The following EGR2 variants were observed in gnomAD, a reference collection of about 807,000 sequenced individuals.
EGR2 encodes the protein early growth response 2.
Under a neutral mutation model 21.2 loss-of-function variants are expected in EGR2, and 2 were observed. The observed-to-expected ratio is 0.09, with a 90% CI of 0.04 to 0.30. EGR2 has a LOEUF of 0.30. EGR2 is among the 10% of genes least tolerant of loss of function. The pLI, the probability that EGR2 is intolerant of heterozygous loss-of-function variation, is 1.00. For missense variants in EGR2, 458 were observed against 630.2 expected (o/e 0.73, Z 2.93); for synonymous variants, 282 against 258.2 (o/e 1.09, Z -0.88).
chr10:62,817,457 G>A (rs557768775), upstream of EGR2, among the ~76,000 whole-genome samples: 32 of 152,218 alleles, frequency 2.1e-4, no homozygotes, highest in Admixed American at 6.5e-4. This position sits in a 1 kb window ranked among gnomAD's most constrained non-coding sequence, Gnocchi z 4.4. Context: ...AGCGGGCTCC[G>A]GGCTCGCTGG....
Position 62,816,209 on chromosome 10 carries a change from T to G in EGR2, c.-180A>C. On this transcript the variant is annotated 5_prime_UTR_variant, in exon 1 of 2. Transcript: ENST00000242480. ...ACAGAAATAAAAGTAGCAAACAAGT[T>G]GCTGTTTTTTAAGAAATAAGAAAAA... is the stretch of plus-strand genomic sequence containing the variant. 1 of 1,489,558 alleles carries G rather than the reference T, an allele frequency of 6.7e-7. No homozygotes were observed. Among genetic ancestry groups the G allele is most frequent in the Non-Finnish European group, 8.9e-7 (1 of 1,123,178 alleles). The allele number at this position is 1,489,558 out of a possible 1,614,324, so 92.3% of individuals were successfully genotyped here.
In EGR2 at chr10:62,813,124, G is replaced by C. The variant is rs1842150838; in HGVS notation, c.*83C>G. 2 of 1,408,976 alleles carry C rather than the reference G, an allele frequency of 1.4e-6. No homozygotes were observed. Among genetic ancestry groups the C allele is most frequent in the South Asian group, 1.4e-5 (1 of 72,320 alleles). 87.3% of individuals were successfully genotyped at this position (1,408,976 alleles called of 1,614,324 possible). A position where few individuals can be genotyped will look rare whatever the true frequency, so the allele number is the denominator to read the frequency against. ...ACAAAGGGAGAGAGGGACAGGAAAG[G>C]GTGGTAGTGTTTGTTGTGCAGCTCC... On this transcript the variant is annotated 3_prime_UTR_variant, in exon 2 of 2. Transcript: ENST00000242480. This position sits in a 1 kb window ranked among gnomAD's most constrained non-coding sequence, Gnocchi z 5.7.
At chr10:62,818,981 A>C (rs1336551316), upstream of EGR2, 2 of 152,272 alleles carry the variant, frequency 1.3e-5, no homozygotes, top group East Asian at 3.8e-4. Flanking sequence ...TGCCTGAGCG[A>C]GGGAAAACCG....
At chr10:62,818,556 A>G, upstream of EGR2, 1 of 1,268,064 alleles carries the variant, frequency 7.9e-7, no homozygotes, top group Non-Finnish European at 1.0e-6. Context: ...GCGCCAGCCC[A>G]CTCCGCCTGC....
rs1228953734 is a variant in EGR2 at position 62,813,157 on chromosome 10, A to C, written c.*50T>G. The C allele has an allele frequency of 1.3e-5, 20 of 1,513,526 alleles. No homozygotes were observed. The highest frequency in any genetic ancestry group is 1.8e-5 in the Non-Finnish European group (20 of 1,138,320). 93.8% of individuals were successfully genotyped at this position (1,513,526 alleles called of 1,614,324 possible). A position where few individuals can be genotyped will look rare whatever the true frequency, so the allele number is the denominator to read the frequency against. On this transcript the variant is annotated 3_prime_UTR_variant, in exon 2 of 2. Transcript: ENST00000242480. The surrounding 1 kb of genome is among the most constrained non-coding windows in gnomAD (Gnocchi z 5.7). ...TGTTTGTTGTGCAGCTCCAGTGGAC[A>C]AAGGGCCTCCGGGACCTTTGGGAGC...
In EGR2 at chr10:62,812,830, T is replaced by A. The variant is rs1287420249; in HGVS notation, c.*377A>T. On this transcript the variant is annotated 3_prime_UTR_variant, in exon 2 of 2. Transcript: ENST00000242480. ...AACCTATTGTAGAAAACGTCTTAGA[T>A]CAACTCTGACATCCAGGGTCAAAAA... 1 of 184,982 alleles carries A rather than the reference T, an allele frequency of 5.4e-6. No individual in the cohort carries two copies. The highest frequency in any genetic ancestry group is 1.1e-5 in the Non-Finnish European group (1 of 89,116). The allele number at this position is 184,982 out of a possible 1,614,324, so 11.5% of individuals were successfully genotyped here.
Position 62,813,293 on chromosome 10 carries a change from G to A in EGR2, c.1345C>T (p.Pro449Ser), listed in dbSNP as rs774569804. 1.9e-6 allele frequency: 3 copies of A among 1,573,776 alleles called. No individual in the cohort carries two copies. The highest frequency in any genetic ancestry group is 2.2e-5 in the East Asian group (1 of 44,568). Residue 449 changes from proline (P) to serine (S), a missense_variant, in exon 2 of 2, where the codon CCT becomes TCT. Around this residue, in one of 5 missense-constraint regions of EGR2, gnomAD observed 69 missense variants for 70.4 expected, o/e 0.98. Transcript: ENST00000242480. This position sits in a 1 kb window ranked among gnomAD's most constrained non-coding sequence, Gnocchi z 5.7. ...TTACTGCTGCACAGGGTACCCCCAG[G>A]CTGCACGCCCCCAGAGCAGGAGGCT... Reference protein sequence around the residue: ...STASCSGGVQPGGTLCSSNSS... With the variant: ...STASCSGGVQSGGTLCSSNSS...
upstream of EGR2, chr10:62,818,519 G>T (rs1343263785): frequency 1.7e-6 from 2 of 1,191,284 alleles, no homozygotes; most frequent in African/African-American, 3.3e-5. Context: ...AGAAAAGCAA[G>T]AAAAGATAGC....
chr10:62,813,101 A>G lies in EGR2; in HGVS notation c.*106T>C. The G allele has an allele frequency of 7.6e-7, 1 of 1,312,404 alleles. No homozygotes were observed. The highest frequency in any genetic ancestry group is 1.5e-5 in the South Asian group (1 of 67,860). 81.3% of individuals were successfully genotyped at this position (1,312,404 alleles called of 1,614,324 possible). A position where few individuals can be genotyped will look rare whatever the true frequency, so the allele number is the denominator to read the frequency against. On this transcript the variant is annotated 3_prime_UTR_variant, in exon 2 of 2. Coordinates refer to ENST00000242480, the MANE Select transcript of EGR2 (RefSeq NM_000399.5). The surrounding 1 kb of genome is among the most constrained non-coding windows in gnomAD (Gnocchi z 5.7). The stretch of plus-strand genomic sequence containing the variant: ...GCTCCACCAAAGCCCTTTGCCCAAC[A>G]AAGGGAGAGAGGGACAGGAAAGGGT...
chr10:62,815,956 ATGT>A lies in EGR2; in HGVS notation c.71_73del (p.Asn24del). The A allele has an allele frequency of 1.2e-6, 2 of 1,614,214 alleles. No individual in the cohort carries two copies. The highest frequency in any genetic ancestry group is 8.5e-7 in the Non-Finnish European group (1 of 1,180,034). ...GGCGGCGAGGTCCTCCACCGGGTAG[ATGT>A]TGTCAGACAGCTGGTGCACAAAACC... On this transcript the variant is annotated inframe_deletion, in exon 1 of 2. Transcript: ENST00000242480.
At chr10:62,818,512 A>C, upstream of EGR2, 1 of 1,172,896 alleles carries the variant, frequency 8.5e-7, no homozygotes, top group Non-Finnish European at 1.1e-6. Flanking sequence ...AAAGAAAAGA[A>C]AAGCAAGAAA....
chr10:62,818,124 C>A (rs1033110966), upstream of EGR2, among the ~76,000 whole-genome samples: 1 of 152,202 alleles, frequency 6.6e-6, no homozygotes, highest in Non-Finnish European at 1.5e-5. Context: ...CGGCGCCACG[C>A]CGTGGAGGAA....
chr10:62,814,547 G>A lies in EGR2; in HGVS notation c.170-79C>T. ...TCCCTTCTCACCCCCGCTCACATAG[G>A]TCCATTTCCAAGGCCGAGAGTCTCA... On this transcript the variant is annotated intron_variant, in intron 1 of 1. Transcript: ENST00000242480. This position sits in a 1 kb window ranked among gnomAD's most constrained non-coding sequence, Gnocchi z 4.8. The A allele has an allele frequency of 7.2e-7, 1 of 1,389,154 alleles. No homozygotes were observed. Among genetic ancestry groups the A allele is most frequent in the Admixed American group, 1.7e-5 (1 of 58,858 alleles). 86.1% of individuals were successfully genotyped at this position (1,389,154 alleles called of 1,614,324 possible).
In EGR2 at chr10:62,812,358, C is replaced by T. The variant is rs1268080166; in HGVS notation, c.*849G>A. On this transcript the variant is annotated 3_prime_UTR_variant, in exon 2 of 2. Transcript: ENST00000242480. Reference sequence around the variant, plus strand: ...TACATCACACAAGGCACCAAGGACACTTCCAACACAATTGCATGCATCCTA... The same window carrying T: ...TACATCACACAAGGCACCAAGGACATTTCCAACACAATTGCATGCATCCTA... 1 of 152,750 alleles carries T rather than the reference C, an allele frequency of 6.5e-6. No homozygotes were observed. The highest frequency in any genetic ancestry group is 1.5e-5 in the Non-Finnish European group (1 of 68,036). 9.5% of individuals were successfully genotyped at this position (152,750 alleles called of 1,614,324 possible). A position where few individuals can be genotyped will look rare whatever the true frequency, so the allele number is the denominator to read the frequency against.
In EGR2 at chr10:62,812,536, C is replaced by T. The variant is rs1034453835; in HGVS notation, c.*671G>A. ...GGATATACACTGAAAAAATAGCCTA[C>T]ATTTCTCAAACAACTCGAAAAGGAG... On this transcript the variant is annotated 3_prime_UTR_variant, in exon 2 of 2. Transcript: ENST00000242480. 1.3e-5 allele frequency: 2 copies of T among 152,776 alleles called. No homozygotes were observed. Among genetic ancestry groups the T allele is most frequent in the African/African-American group, 4.8e-5 (2 of 41,450 alleles). The allele number at this position is 152,776 out of a possible 1,614,324, so 9.5% of individuals were successfully genotyped here. A position where few individuals can be genotyped will look rare whatever the true frequency, so the allele number is the denominator to read the frequency against.
In EGR2 at chr10:62,812,919, C is replaced by T. The variant is rs117395928; in HGVS notation, c.*288G>A. On this transcript the variant is annotated 3_prime_UTR_variant, in exon 2 of 2. Coordinates refer to ENST00000242480, the MANE Select transcript of EGR2 (RefSeq NM_000399.5). Reference sequence around the variant, plus strand: ...AACCTAGTCAAACAACCCTTTAAAGCAGGGTCAGACCTCAGCCCTCTTGGC... The same window carrying T: ...AACCTAGTCAAACAACCCTTTAAAGTAGGGTCAGACCTCAGCCCTCTTGGC... The T allele has an allele frequency of 8.4e-3, 2,806 of 335,248 alleles. 18 individuals carry two copies. Among genetic ancestry groups the T allele is most frequent in the Non-Finnish European group, 0.012 (2,201 of 184,110 alleles). 20.8% of individuals were successfully genotyped at this position (335,248 alleles called of 1,614,324 possible).
rs1589081314 is a variant in EGR2, at chr10:62,814,041, A to T, written c.597T>A (p.Ser199=). Residue 199 remains serine (S), a synonymous_variant, in exon 2 of 2, where the codon TCT becomes TCA. Transcript: ENST00000242480. This position sits in a 1 kb window ranked among gnomAD's most constrained non-coding sequence, Gnocchi z 4.8. ...LSAATTSTSS[S]LAYPPPPSYP... ...AGGAAGGAGGTGGTGGGTAGGCCAG[A>T]GAGGAAGAGGTGGAGGTGGTGGCTG... The T allele has an allele frequency of 6.2e-7, 1 of 1,614,072 alleles. No individual in the cohort carries two copies. The highest frequency in any genetic ancestry group is 8.5e-7 in the Non-Finnish European group (1 of 1,179,996).
chr10:62,813,019 T>A lies in EGR2; in HGVS notation c.*188A>T. ...GATAGTCAACTCACCTAAGAGAGACTAGAATGGGCTAAGTTTTAGGAAGAA... is the reference window on the plus strand; with the variant it reads ...GATAGTCAACTCACCTAAGAGAGACAAGAATGGGCTAAGTTTTAGGAAGAA... On this transcript the variant is annotated 3_prime_UTR_variant, in exon 2 of 2. Coordinates refer to ENST00000242480, the MANE Select transcript of EGR2 (RefSeq NM_000399.5). This position sits in a 1 kb window ranked among gnomAD's most constrained non-coding sequence, Gnocchi z 5.7. 1 of 613,230 alleles carries A rather than the reference T, an allele frequency of 1.6e-6. No individual in the cohort carries two copies. Among genetic ancestry groups the A allele is most frequent in the African/African-American group, 1.8e-5 (1 of 54,602 alleles). The allele number at this position is 613,230 out of a possible 1,614,324, so 38.0% of individuals were successfully genotyped here. A position where few individuals can be genotyped will look rare whatever the true frequency, so the allele number is the denominator to read the frequency against.
In EGR2 at chr10:62,814,935, AG is replaced by A. The variant is rs1253840520; in HGVS notation, c.170-468del. On this transcript the variant is annotated intron_variant, in intron 1 of 1. Transcript: ENST00000242480. The surrounding 1 kb of genome is among the most constrained non-coding windows in gnomAD (Gnocchi z 4.8). Reference sequence around the variant, plus strand: ...GCCAAACCGAGAGGAGAGCCCGAGAAGGGGGTGGGTGATTTCCCGGCTGCTC... The same window carrying A: ...GCCAAACCGAGAGGAGAGCCCGAGAAGGGGTGGGTGATTTCCCGGCTGCTC... Among the ~76,000 whole-genome samples the A allele has an allele frequency of 6.6e-6, 1 of 152,124 alleles. No individual in the cohort carries two copies. The highest frequency in any genetic ancestry group is 1.5e-5 in the Non-Finnish European group (1 of 68,014).
Sources: gnomAD v4.1 joint callset for allele counts (sites outside exome capture counted in the v4.1 genomes callset) on GRCh38, gnomAD v4.1.1 for gene constraint, gnomAD v4.1.1 regional missense constraint, Gnocchi (gnomAD v3.1) non-coding constraint, MANE v1.5 for transcripts, NCBI Gene and HGNC (gene_info 2026-07-23, HGNC 2026-07-21) for gene names.